The following TCEA1 variants were observed in gnomAD, a reference collection of about 807,000 sequenced individuals.
TCEA1 encodes transcription elongation factor A1, also known as transcription elongation factor A protein 1.
In TCEA1, 21 loss-of-function variants were observed where a neutral mutation model predicts 43.8. The observed-to-expected ratio is 0.48, with a 90% CI of 0.34 to 0.69. The LOEUF (loss-of-function observed/expected upper bound fraction) is 0.69. Ranked by LOEUF, TCEA1 falls within the 30% of genes least tolerant of loss-of-function variation. The pLI is 0.01. For missense variants in TCEA1, 250 were observed against 365.1 expected (o/e 0.68, Z 2.57); for synonymous variants, 104 against 117.5 (o/e 0.88, Z 0.75).
intron 5 of TCEA1, among the ~76,000 whole-genome samples, 154 bp downstream of exon 5, chr8:53,987,960 C>T (rs984719028): frequency 2.0e-5 from 3 of 152,114 alleles, no homozygotes; most frequent in Non-Finnish European, 4.4e-5. Context: ...TCCCCCTTAA[C>T]AGACCCGTAT....
At chr8:54,021,881 G>C in intron 1 of TCEA1, 182 bp downstream of exon 1, 1 of 449,162 alleles carries the variant, frequency 2.2e-6, no homozygotes, top group Non-Finnish European at 3.8e-6. Flanking sequence ...TCCTAACGCA[G>C]GTTGCCGCGG....
intron 2 of TCEA1, among the ~76,000 whole-genome samples, chr8:54,002,193 C>G (rs541828931): frequency 6.9e-6 from 1 of 145,600 alleles, no homozygotes; most frequent in African/African-American, 2.6e-5. Flanking sequence ...AAAAAAAGGG[C>G]GGGTATGGTG....
chr8:53,993,734 T>C lies in TCEA1; in HGVS notation c.254A>G (p.Asp85Gly). The C allele has an allele frequency of 1.2e-6, 2 of 1,613,478 alleles. No homozygotes were observed. Among genetic ancestry groups the C allele is most frequent in the Non-Finnish European group, 1.7e-6 (2 of 1,179,730 alleles). Residue 85 changes from aspartate (D) to glycine (G), a missense_variant, in exon 4 of 10, where the codon GAC (aspartate) becomes GGC (glycine). Physicochemically the swap from Asp to Gly is moderately conservative, Grantham distance 94. Around this residue, in one of 4 missense-constraint regions of TCEA1, gnomAD observed 147 missense variants for 160.3 expected, o/e 0.92. Transcript: ENST00000521604. ...AGGTTCTTTCTTCTTTTCGTCAAGG[T>C]CTTTCTCAGTTGATGGCCCATCTGA... is the stretch of plus-strand genomic sequence containing the variant. ...KLLDGPSTEK[D>G]LDEKKKEPAI...
At chr8:53,981,145 G>A (rs1274630669) in intron 7 of TCEA1, among the ~76,000 whole-genome samples, 1 of 152,198 alleles carries the variant, frequency 6.6e-6, no homozygotes, top group Non-Finnish European at 1.5e-5. Context: ...TTTAAGGAAA[G>A]AAGCTGTCTC....
At chr8:54,020,616 T>G (rs1804991239) in intron 1 of TCEA1, among the ~76,000 whole-genome samples, 1 of 152,210 alleles carries the variant, frequency 6.6e-6, no homozygotes, top group Admixed American at 6.5e-5. Context: ...AACTACACAG[T>G]ACTTAATTTA....
At chr8:54,005,149 G>A (rs1304753377) in intron 2 of TCEA1, among the ~76,000 whole-genome samples, 1 of 152,042 alleles carries the variant, frequency 6.6e-6, no homozygotes, top group Admixed American at 6.6e-5. Flanking sequence ...CTTTTTCCTA[G>A]GGGATCTAAC....
intron 6 of TCEA1, among the ~76,000 whole-genome samples, chr8:53,985,206 G>A (rs1314708682): frequency 3.3e-5 from 5 of 151,350 alleles, no homozygotes; most frequent in East Asian, 3.9e-4. Flanking sequence ...TAGTAGAGAC[G>A]GGGTTTCACC....
At chr8:54,014,112 G>A (rs918111067) in intron 1 of TCEA1, among the ~76,000 whole-genome samples, 34 of 152,048 alleles carry the variant, frequency 2.2e-4, no homozygotes, top group Non-Finnish European at 4.1e-4. Flanking sequence ...ACAAAAAAAA[G>A]AAACTTAAAC....
rs934497528 is a variant in TCEA1, at chr8:53,967,821, T to A, written c.*283A>T. The A allele has an allele frequency of 1.7e-5, 6 of 347,822 alleles. No homozygotes were observed. Among genetic ancestry groups the A allele is most frequent in the Non-Finnish European group, 2.1e-5 (4 of 188,536 alleles). 21.5% of individuals were successfully genotyped at this position (347,822 alleles called of 1,614,324 possible). ...AAAAAAGTTAAGGTATATTTTCCTT[T>A]AAGAAAGAAGAAATATTGCCAAGAG... On this transcript the variant is annotated 3_prime_UTR_variant, in exon 10 of 10. Transcript: ENST00000521604.
intron 1 of TCEA1, among the ~76,000 whole-genome samples, chr8:54,013,680 C>CAAAAA (rs5891511): frequency 1.1e-3 from 71 of 65,234 alleles, no homozygotes; most frequent in Admixed American, 1.6e-3. Context: ...AACTCCATCT[C>CAAAAA]AAAAAAAAAA....
At chr8:53,984,315 C>T in intron 7 of TCEA1, 48 bp downstream of exon 7, 1 of 1,528,082 alleles carries the variant, frequency 6.5e-7, no homozygotes, top group African/African-American at 1.4e-5. Flanking sequence ...CTTTACACTT[C>T]ACAACACAGA....
chr8:54,012,614 G>A (rs1804687174), intron 1 of TCEA1, among the ~76,000 whole-genome samples: 1 of 152,126 alleles, frequency 6.6e-6, no homozygotes, highest in Non-Finnish European at 1.5e-5. Flanking sequence ...TTGCTGAAGT[G>A]CCCAAATCCT....
intron 8 of TCEA1, among the ~76,000 whole-genome samples, chr8:53,976,363 T>C (rs1365667349): frequency 1.3e-5 from 2 of 152,206 alleles, no homozygotes; most frequent in East Asian, 1.9e-4. Flanking sequence ...ACTTTATATA[T>C]ACTTAATTCT....
chr8:53,990,884 C>T (rs1474526480), intron 4 of TCEA1, among the ~76,000 whole-genome samples: 1 of 152,162 alleles, frequency 6.6e-6, no homozygotes, highest in Non-Finnish European at 1.5e-5. Flanking sequence ...AATATAAAAT[C>T]CTGCTTAGCT....
chr8:53,969,727 C>T (rs1803101256), intron 9 of TCEA1, among the ~76,000 whole-genome samples: 1 of 152,124 alleles, frequency 6.6e-6, no homozygotes, highest in Non-Finnish European at 1.5e-5. Flanking sequence ...AAACTCCTAC[C>T]ACGTAAGCCT....
chr8:54,022,365 A>G lies in TCEA1; in HGVS notation c.-240T>C, dbSNP rs1805080791. ...CGCGCGCGACGTGCAGGCGCTACCA[A>G]CTGACTGCAGATCGCTGGTGAGGGG... is the stretch of plus-strand genomic sequence containing the variant. On this transcript the variant is annotated 5_prime_UTR_variant, in exon 1 of 10. Coordinates refer to ENST00000521604, the MANE Select transcript of TCEA1 (RefSeq NM_006756.4). 1.8e-6 allele frequency: 1 copy of G among 557,268 alleles called. No homozygotes were observed. Among genetic ancestry groups the G allele is most frequent in the Non-Finnish European group, 3.1e-6 (1 of 319,036 alleles). The allele number at this position is 557,268 out of a possible 1,614,324, so 34.5% of individuals were successfully genotyped here. A position where few individuals can be genotyped will look rare whatever the true frequency, so the allele number is the denominator to read the frequency against.
chr8:54,002,180 G>C (rs1327263477), intron 2 of TCEA1, among the ~76,000 whole-genome samples: 2 of 144,966 alleles, frequency 1.4e-5, no homozygotes, highest in Non-Finnish European at 3.0e-5. Context: ...TCTCCAAAAA[G>C]AAAAAAAAAG....
rs1803006987 is a variant in TCEA1, at chr8:53,967,072, C to A, written c.*1032G>T. The A allele has an allele frequency of 9.4e-6, 2 of 211,980 alleles. No homozygotes were observed. Among genetic ancestry groups the A allele is most frequent in the Non-Finnish European group, 9.6e-6 (1 of 104,382 alleles). 13.1% of individuals were successfully genotyped at this position (211,980 alleles called of 1,614,324 possible). On this transcript the variant is annotated 3_prime_UTR_variant, in exon 10 of 10. Transcript: ENST00000521604. ...CCATATATTCAGTTTGTTCAACAAT[C>A]TCACTCATGACAGAAAAAGTCAGCA... is the stretch of plus-strand genomic sequence containing the variant.
chr8:53,991,645 G>C (rs1360057031), intron 4 of TCEA1, among the ~76,000 whole-genome samples: 1 of 151,844 alleles, frequency 6.6e-6, no homozygotes, highest in Non-Finnish European at 1.5e-5. Flanking sequence ...GGTGAGCTGA[G>C]ATTGTGCCAT....
Sources: gnomAD v4.1 joint callset for allele counts (sites outside exome capture counted in the v4.1 genomes callset) on GRCh38, gnomAD v4.1.1 for gene constraint, gnomAD v4.1.1 regional missense constraint, MANE v1.5 for transcripts, NCBI Gene and HGNC (gene_info 2026-07-23, HGNC 2026-07-21) for gene names.